MTCH2: variants seen among roughly 807,000 people sequenced by gnomAD.
MTCH2 encodes the protein mitochondrial carrier 2, also known as mitochondrial carrier homolog 2.
Under a neutral mutation model 50.6 loss-of-function variants are expected in MTCH2, and 25 were observed. The ratio of observed to expected loss-of-function variants is 0.49; its 90% CI spans 0.36 to 0.69. The LOEUF is 0.69. Ranked by LOEUF, MTCH2 falls within the 30% of genes least tolerant of loss-of-function variation. The pLI is 0.00. For missense variants in MTCH2, 273 were observed against 384.4 expected, an observed-to-expected ratio of 0.71 and a Z score of 2.42; for synonymous variants, 106 against 132.0, an observed-to-expected ratio of 0.80 and a Z score of 1.35.
At chr11:47,626,014 CTT>C (rs879766632) in intron 10 of MTCH2, among the ~76,000 whole-genome samples, 3 of 146,090 alleles carry the variant, frequency 2.1e-5, no homozygotes, top group Non-Finnish European at 3.0e-5. Context: ...TACCCAACTA[CTT>C]TTTTTTTTTT....
chr11:47,642,257 G>T, intron 1 of MTCH2, 122 bp downstream of exon 1: 1 of 827,522 alleles, frequency 1.2e-6, no homozygotes. Context: ...AAAGGGCAGC[G>T]GAGGAGCAGC....
intron 1 of MTCH2, among the ~76,000 whole-genome samples, chr11:47,639,559 C>A (rs994288613): frequency 3.9e-5 from 6 of 152,140 alleles, no homozygotes; most frequent in Non-Finnish European, 7.3e-5. Context: ...GGCTGTCGGT[C>A]GGGCGCAGTG....
Position 47,642,345 on chromosome 11 carries a change from G to A in MTCH2, c.87+34C>T, listed in dbSNP as rs1444783221. 7.7e-6 allele frequency: 11 copies of A among 1,429,298 alleles called. No homozygotes were observed. In the Admixed American group the frequency reaches 2.0e-4, roughly 26 times the overall value. 88.5% of individuals were successfully genotyped at this position (1,429,298 alleles called of 1,614,324 possible). ...CTGAGCAGCAGCGACCGAACGGGGC[G>A]CCGGGCGGGGTAGGGAGCGGCGACG... On this transcript the variant is annotated intron_variant, in intron 1 of 12. Transcript: ENST00000302503.
intron 8 of MTCH2, among the ~76,000 whole-genome samples, chr11:47,629,765 CA>C (rs1044539511): frequency 2.1e-5 from 3 of 143,560 alleles, no homozygotes; most frequent in Non-Finnish European, 3.1e-5. Flanking sequence ...AAAAAAAAAA[CA>C]AAAAACACCA....
At chr11:47,610,603 G>C in the MTCH2 span, among the ~76,000 whole-genome samples, 1 of 152,120 alleles carries the variant, frequency 6.6e-6, no homozygotes, top group African/African-American at 2.4e-5. Context: ...TACTCAGGAG[G>C]CTGAGGCATG....
At chr11:47,635,651 CAGAA>C (rs932363459) in intron 3 of MTCH2, 80 bp from the exon 4 acceptor site, 29 of 1,361,916 alleles carry the variant, frequency 2.1e-5, no homozygotes, top group Middle Eastern at 3.7e-4. Context: ...ACTCTACTGA[CAGAA>C]AGTAAATTAG....
intron 5 of MTCH2, 40 bp from the exon 6 acceptor site, chr11:47,631,751 T>A (rs762745340): frequency 6.2e-7 from 1 of 1,607,686 alleles, no homozygotes; most frequent in Non-Finnish European, 8.5e-7. Flanking sequence ...TCTAAACAAA[T>A]GACACTCAAA....
chr11:47,621,771 G>C (rs1363965433), intron 12 of MTCH2, among the ~76,000 whole-genome samples: 1 of 151,730 alleles, frequency 6.6e-6, no homozygotes, highest in Non-Finnish European at 1.5e-5. Flanking sequence ...TGGCTGTGTT[G>C]CCCAGGCTGG....
intron 1 of MTCH2, among the ~76,000 whole-genome samples, chr11:47,639,432 C>T (rs923151601): frequency 6.6e-6 from 1 of 152,246 alleles, no homozygotes; most frequent in African/African-American, 2.4e-5. Context: ...ACATCCATTA[C>T]GCCAGCATCA....
At chr11:47,615,481 C>A (rs1446990172), downstream of MTCH2, among the ~76,000 whole-genome samples, 1 of 152,018 alleles carries the variant, frequency 6.6e-6, no homozygotes, top group East Asian at 1.9e-4. Flanking sequence ...AGAGATGGCA[C>A]TAGAACTGAA....
chr11:47,610,534 G>A, the MTCH2 span, among the ~76,000 whole-genome samples: 2 of 152,020 alleles, frequency 1.3e-5, no homozygotes, highest in East Asian at 1.9e-4. Flanking sequence ...GCAAAACCCC[G>A]TCTCTACTAA....
At chr11:47,627,878 CAGA>C (rs1565967339) in intron 9 of MTCH2, among the ~76,000 whole-genome samples, 1 of 152,098 alleles carries the variant, frequency 6.6e-6, no homozygotes, top group Non-Finnish European at 1.5e-5. Flanking sequence ...TCAATATTAA[CAGA>C]CAAATTCATA....
the MTCH2 span, among the ~76,000 whole-genome samples, chr11:47,607,928 C>G: frequency 1.3e-5 from 2 of 152,200 alleles, no homozygotes; most frequent in Non-Finnish European, 2.9e-5. Flanking sequence ...GTTCCCTCCT[C>G]TCATTAAGAT....
At chr11:47,629,112 T>C (rs2097300699) in intron 8 of MTCH2, 66 bp from the exon 9 acceptor site, 1 of 1,313,242 alleles carries the variant, frequency 7.6e-7, no homozygotes, top group Non-Finnish European at 1.1e-6. Context: ...GGCTCTTCAG[T>C]ACAAATGTTT....
intron 8 of MTCH2, 94 bp downstream of exon 8, chr11:47,630,461 T>C: frequency 8.7e-7 from 1 of 1,147,622 alleles, no homozygotes; most frequent in Non-Finnish European, 1.3e-6. Flanking sequence ...GGGAGTACGT[T>C]TTCCCCAAGG....
intron 5 of MTCH2, among the ~76,000 whole-genome samples, chr11:47,632,904 G>A (rs1165651192): frequency 6.6e-6 from 1 of 151,054 alleles, no homozygotes; most frequent in Non-Finnish European, 1.5e-5. Context: ...ATTTCGCCAT[G>A]TTGGCCAAGC....
intron 12 of MTCH2, 23 bp downstream of exon 12, chr11:47,622,678 G>C: frequency 5.3e-6 from 8 of 1,516,168 alleles, no homozygotes; most frequent in Non-Finnish European, 7.2e-6. Flanking sequence ...AATAAAATGA[G>C]AGAGACAGAG....
intron 5 of MTCH2, among the ~76,000 whole-genome samples, chr11:47,633,524 ATATTTT>A (rs1306460705): frequency 1.1e-4 from 6 of 55,310 alleles, no homozygotes; most frequent in Non-Finnish European, 1.5e-4. Flanking sequence ...ATATATATAT[ATATTTT>A]TTTTTTTTTT....
the MTCH2 span, among the ~76,000 whole-genome samples, chr11:47,606,536 A>G: frequency 6.6e-6 from 1 of 152,222 alleles, no homozygotes; most frequent in Non-Finnish European, 1.5e-5. Context: ...TTCTCTGCAC[A>G]GGGATTTTCA....
Sources: allele counts gnomAD v4.1 joint callset (sites outside exome capture counted in the v4.1 genomes callset), GRCh38; gene constraint gnomAD v4.1.1; transcripts MANE v1.5; gene names NCBI Gene and HGNC (gene_info 2026-07-23, HGNC 2026-07-21).